Variants in PTPRB observed in about 807,000 individuals in gnomAD.
The protein encoded by PTPRB is protein tyrosine phosphatase receptor type B.
Under a neutral mutation model 238.1 loss-of-function variants are expected in PTPRB, and 97 were observed. The ratio of observed to expected loss-of-function variants is 0.41; its 90% CI spans 0.35 to 0.48. The LOEUF (loss-of-function observed/expected upper bound fraction) is 0.48, where lower values mean the gene tolerates loss of function less well. Among genes scored for constraint, PTPRB ranks in the 20% least tolerant of loss-of-function variants. The pLI, the probability that PTPRB is intolerant of heterozygous loss-of-function variation, is 0.30. For missense variants in PTPRB, 2,292 were observed against 2,681.9 expected, an observed-to-expected ratio of 0.85 and a Z score of 3.21; for synonymous variants, 970 against 995.4, an observed-to-expected ratio of 0.97 and a Z score of 0.48.
At chr12:70,586,850 C>T (rs779943053) in intron 9 of PTPRB, among the ~76,000 whole-genome samples, 157 bp downstream of exon 9, 5 of 152,126 alleles carry the variant, frequency 3.3e-5, no homozygotes, top group African/African-American at 4.8e-5. Flanking sequence ...AAGATAAGAA[C>T]TGCAATTGGT....
At chr12:70,580,423 A>T (rs1009874158) in intron 10 of PTPRB, among the ~76,000 whole-genome samples, 1 of 152,210 alleles carries the variant, frequency 6.6e-6, no homozygotes, top group African/African-American at 2.4e-5. Context: ...TTTATCCATT[A>T]TTGTTTACCT....
chr12:70,538,680 A>G (rs1213260662), intron 27 of PTPRB: 6 of 544,206 alleles, frequency 1.1e-5, no homozygotes, highest in Non-Finnish European at 2.0e-5. Context: ...AAAGAGAAGC[A>G]ATAGCATCAC....
At position 70,540,916 on chromosome 12, in the gene PTPRB, A is replaced by G; in HGVS notation, c.5536T>C (p.Phe1846Leu). The change falls in exon 23 of 34, where the codon TTT (phenylalanine) becomes CTT (leucine). Residue 1846 changes from phenylalanine (F) to leucine (L), a missense_variant. By Grantham distance (22) the Phe-to-Leu change is conservative (BLOSUM62 0). Around this residue, in one of 4 missense-constraint regions of PTPRB, gnomAD observed 397 missense variants for 502.0 expected, o/e 0.79. Coordinates refer to ENST00000334414, the MANE Select transcript of PTPRB (RefSeq NM_001109754.4). ...GAIEGVSAGL[F>L]LIGMLVAVVA... is the part of the protein sequence containing the mutation. Reference sequence around the variant, plus strand: ...ACAGCCACTAGCATGCCAATTAAAAACAGACCAGCACTCACACCTTCAATA... The same window carrying G: ...ACAGCCACTAGCATGCCAATTAAAAGCAGACCAGCACTCACACCTTCAATA... The G allele has an allele frequency of 1.9e-6, 3 of 1,607,658 alleles. No homozygotes were observed. Among genetic ancestry groups the G allele is most frequent in the Non-Finnish European group, 2.5e-6 (3 of 1,177,022 alleles).
chr12:70,552,193 T>C (rs940607643), intron 21 of PTPRB, among the ~76,000 whole-genome samples: 5 of 152,032 alleles, frequency 3.3e-5, no homozygotes, highest in African/African-American at 1.2e-4. Flanking sequence ...ATTTAGAAAG[T>C]TGTAGAAGGG....
At chr12:70,622,950 G>C (rs912044581) in intron 2 of PTPRB, among the ~76,000 whole-genome samples, 3 of 86,422 alleles carry the variant, frequency 3.5e-5, no homozygotes, top group African/African-American at 1.7e-4. Context: ...TGAGAATTTA[G>C]GGGGGGGGTC....
chr12:70,539,750 A>G (rs1327159325), intron 25 of PTPRB, 44 bp from the exon 26 acceptor site: 2 of 1,593,312 alleles, frequency 1.3e-6, no homozygotes, highest in Non-Finnish European at 1.7e-6. Flanking sequence ...TACTGCAGAA[A>G]AGGGAAAGTG....
In PTPRB at chr12:70,519,220, T is replaced by C. The variant is rs991640037; in HGVS notation, c.*2269A>G. ...ATGTTGCCAGAGTACGTGAGTGTTA[T>C]TTACTATTACAGATGCATAGGTTTT... is the stretch of plus-strand genomic sequence containing the variant. On this transcript the variant is annotated 3_prime_UTR_variant, in exon 34 of 34. Coordinates refer to ENST00000334414, the MANE Select transcript of PTPRB (RefSeq NM_001109754.4). The C allele has an allele frequency of 7.2e-5, 11 of 152,182 alleles. No homozygotes were observed. The highest frequency in any genetic ancestry group is 2.2e-4 in the African/African-American group (9 of 41,430). 9.4% of individuals were successfully genotyped at this position (152,182 alleles called of 1,614,324 possible). A position where few individuals can be genotyped will look rare whatever the true frequency, so the allele number is the denominator to read the frequency against.
intron 10 of PTPRB, among the ~76,000 whole-genome samples, chr12:70,579,540 T>C (rs979811148): frequency 2.0e-5 from 3 of 151,330 alleles, no homozygotes; most frequent in Admixed American, 6.6e-5. Flanking sequence ...CTACTAAAAG[T>C]ACAAAAATTA....
chr12:70,607,780 T>C lies in PTPRB; in HGVS notation c.979+1289A>G, dbSNP rs551723382. On this transcript the variant is annotated intron_variant, in intron 4 of 33. Transcript: ENST00000334414. ...GTTGACCAAGGTGGTCTTGAACTCC[T>C]GACCTCATGATCCACCTGCCTCAGC... Among the ~76,000 whole-genome samples the C allele has an allele frequency of 2.0e-5, 3 of 152,130 alleles. No individual in the cohort carries two copies. In the South Asian group the frequency reaches 6.2e-4, roughly 32 times the overall value.
chr12:70,557,573 G>T (rs909328912), intron 18 of PTPRB, among the ~76,000 whole-genome samples: 1 of 152,168 alleles, frequency 6.6e-6, no homozygotes, highest in East Asian at 1.9e-4. Context: ...TATAAGCCTA[G>T]CCTCTAACAG....
chr12:70,606,144 GCCA>G (rs1477579117), intron 4 of PTPRB, among the ~76,000 whole-genome samples: 2 of 152,144 alleles, frequency 1.3e-5, no homozygotes, highest in Non-Finnish European at 1.5e-5. Context: ...AAGCTCTGTT[GCCA>G]CTTTCATCAT....
Position 70,562,761 on chromosome 12 carries a change from A to C in PTPRB, c.4168+83T>G, listed in dbSNP as rs1283680186. 3 of 1,501,188 alleles carry C rather than the reference A, an allele frequency of 2.0e-6. No homozygotes were observed. In the African/African-American group the frequency reaches 4.2e-5, roughly 21 times the overall value. 93.0% of individuals were successfully genotyped at this position (1,501,188 alleles called of 1,614,324 possible). Reference sequence around the variant, plus strand: ...AAAGCTACATCCTGAATAGAATAGGAAACTAAGGACCAACCAAGGAAAAGC... The same window carrying C: ...AAAGCTACATCCTGAATAGAATAGGCAACTAAGGACCAACCAAGGAAAAGC... On this transcript the variant is annotated intron_variant, in intron 16 of 33. Transcript: ENST00000334414.
Position 70,594,653 on chromosome 12 carries a change from A to G in PTPRB, c.1330T>C (p.Ser444Pro). ...AGCCGGTATCGTTCCACATTCCCAG[A>G]ACCATGGGACCAGGAAATCAGGAGA... ...NSLLISWSHGSGNVERYRLML... is the reference protein window; with the variant it reads ...NSLLISWSHGPGNVERYRLML... Residue 444 changes from serine to proline, a missense_variant, in exon 6 of 34, where the codon TCT becomes CCT. Ser to Pro is a moderately conservative substitution (Grantham distance 74). Coordinates refer to ENST00000334414, the MANE Select transcript of PTPRB (RefSeq NM_001109754.4). 3 of 1,614,034 alleles carry G rather than the reference A, an allele frequency of 1.9e-6. No individual in the cohort carries two copies. The highest frequency in any genetic ancestry group is 2.5e-6 in the Non-Finnish European group (3 of 1,179,894).
intron 11 of PTPRB, among the ~76,000 whole-genome samples, chr12:70,574,943 A>T (rs58570056): frequency 6.6e-6 from 1 of 152,086 alleles, no homozygotes; most frequent in African/African-American, 2.4e-5. Flanking sequence ...ATTGGTAGGA[A>T]GCAAGGGGTT....
At chr12:70,555,845 T>C (rs1382681314) in intron 19 of PTPRB, 25 bp downstream of exon 19, 1 of 1,608,290 alleles carries the variant, frequency 6.2e-7, no homozygotes, top group Admixed American at 1.7e-5. Context: ...CAGGAGGCTC[T>C]GTGCGCACCT....
At chr12:70,566,950 A>T (rs1030199510) in intron 14 of PTPRB, among the ~76,000 whole-genome samples, 2 of 152,202 alleles carry the variant, frequency 1.3e-5, no homozygotes, top group Non-Finnish European at 2.9e-5. Context: ...CTCAGATAGA[A>T]AAGTTAGTGA....
chr12:70,524,610 A>G lies in PTPRB; in HGVS notation c.6505-19T>C, dbSNP rs944050213. On this transcript the variant is annotated intron_variant, in intron 32 of 33. Transcript: ENST00000334414. ...ACTGACACTGTGGAAAAGCAGAAAC[A>G]TGTCAGAGGAGGGCCTGTTCTCATG... 4 of 1,602,016 alleles carry G rather than the reference A, an allele frequency of 2.5e-6. No homozygotes were observed. The highest frequency in any genetic ancestry group is 1.1e-5 in the South Asian group (1 of 89,116).
rs186460026 is a variant in PTPRB at position 70,629,507 on chromosome 12, T to C, written c.451+6164A>G. ...AAGAGAAAGCATGAAAGATCTAAAA[T>C]TGACAACCTAACATCACAATTAAAA... On this transcript the variant is annotated intron_variant, in intron 2 of 33. Transcript: ENST00000334414. Among the ~76,000 whole-genome samples the C allele has an allele frequency of 2.6e-4, 39 of 152,170 alleles. 1 individual carries two copies. The highest frequency in any genetic ancestry group is 2.0e-3 in the Admixed American group (31 of 15,272).
At position 70,516,696 on chromosome 12, in the gene PTPRB, C is replaced by T. The variant is rs1046733051; in HGVS notation, c.*4793G>A. On this transcript the variant is annotated 3_prime_UTR_variant, in exon 34 of 34. Transcript: ENST00000334414. ...ATAACCAATTCTTTTTGTGACTGTT[C>T]TAGAAGGGACACATTGCATTTGTCT... The T allele has an allele frequency of 6.6e-6, 1 of 152,110 alleles. No individual in the cohort carries two copies. The highest frequency in any genetic ancestry group is 1.5e-5 in the Non-Finnish European group (1 of 68,030). 9.4% of individuals were successfully genotyped at this position (152,110 alleles called of 1,614,324 possible). A position where few individuals can be genotyped will look rare whatever the true frequency, so the allele number is the denominator to read the frequency against.
Sources: allele counts gnomAD v4.1 joint callset (sites outside exome capture counted in the v4.1 genomes callset), GRCh38; gene constraint gnomAD v4.1.1; regional missense constraint gnomAD v4.1.1; transcripts MANE v1.5; gene names NCBI Gene and HGNC (gene_info 2026-07-23, HGNC 2026-07-21).